BRD8: variants seen among roughly 807,000 people sequenced by gnomAD.
BRD8 encodes the protein bromodomain containing 8, also known as bromodomain-containing protein 8.
BRD8 carries 67 observed loss-of-function variants against 143.1 expected under a neutral mutation model. The observed-to-expected ratio is 0.47, with a 90% CI of 0.38 to 0.57. BRD8 has a LOEUF of 0.57. Ranked by LOEUF, BRD8 falls within the 20% of genes least tolerant of loss-of-function variation. BRD8 has a pLI of 0.00. For synonymous variants in BRD8, 505 were observed against 517.1 expected, an observed-to-expected ratio of 0.98 and a Z score of 0.32; for missense variants, 1,103 against 1,503.0, an observed-to-expected ratio of 0.73 and a Z score of 4.40.
chr5:138,145,700 G>T, intron 24 of BRD8, 89 bp downstream of exon 24: 1 of 1,145,588 alleles, frequency 8.7e-7, no homozygotes, highest in Non-Finnish European at 1.3e-6. Flanking sequence ...TCATTTGAGG[G>T]ATGAACATAT....
Position 138,155,127 on chromosome 5 carries a change from G to A in BRD8, c.2578-2367C>T, listed in dbSNP as rs928709367. On this transcript the variant is annotated intron_variant, in intron 20 of 26. Coordinates refer to ENST00000254900, the MANE Select transcript of BRD8 (RefSeq NM_139199.2). ...ATTACAGGTGTGAGCCACGGTGCCC[G>A]GCACTATTTCATTTCACTATTGAGT... 1.5e-4 allele frequency among the ~76,000 whole-genome samples: 22 copies of A among 147,460 alleles called. 1 individual carries two copies. The highest frequency in any genetic ancestry group is 1.3e-3 in the Admixed American group (19 of 14,362).
chr5:138,174,573 G>GC (rs1754161296), intron 2 of BRD8, among the ~76,000 whole-genome samples: 2 of 148,608 alleles, frequency 1.3e-5, no homozygotes, highest in Non-Finnish European at 3.0e-5. Context: ...TCCAGCCTGC[G>GC]CAACAGAGAC....
Position 138,165,107 on chromosome 5 carries a change from A to G in BRD8, c.1338T>C (p.Cys446=), listed in dbSNP as rs762508870. 6 of 1,614,096 alleles carry G rather than the reference A, an allele frequency of 3.7e-6. No homozygotes were observed. In the Admixed American group the frequency reaches 8.3e-5, roughly 22 times the overall value. ...VAAVEAALSF[C]EENDDPQSLP... ...GGGACTGAGGATCATCATTTTCTTC[A>G]CAAAATGACAGTGCTGCTTCCACTG... Residue 446 remains cysteine, a synonymous_variant, in exon 12 of 27, where the codon TGT becomes TGC. Coordinates refer to ENST00000254900, the MANE Select transcript of BRD8 (RefSeq NM_139199.2).
Position 138,170,400 on chromosome 5 carries a change from T to C in BRD8, c.450A>G (p.Lys150=). Residue 150 remains lysine (K), a synonymous_variant, in exon 7 of 27, where the codon AAA becomes AAG. Coordinates refer to ENST00000254900, the MANE Select transcript of BRD8 (RefSeq NM_139199.2). ...TTACTTCAGCCTCCTCTTCTTCCAA[T>C]TTCTTTTTCCTAAACAGGGAATTAA... ...ELCNDIATKK[K]LEEEEAEVKR... is the part of the protein sequence containing the mutation. 1 of 1,614,144 alleles carries C rather than the reference T, an allele frequency of 6.2e-7. No individual in the cohort carries two copies. Among genetic ancestry groups the C allele is most frequent in the Non-Finnish European group, 8.5e-7 (1 of 1,180,018 alleles).
At chr5:138,172,251 G>GTGAGCCAC in intron 2 of BRD8, 117 bp from the exon 3 acceptor site, 2 of 785,986 alleles carry the variant, frequency 2.5e-6, no homozygotes, top group Non-Finnish European at 4.2e-6. Context: ...ATGGCCAGGC[G>GTGAGCCAC]CGGTGGCTCA....
chr5:138,140,784 G>A lies in BRD8; in HGVS notation c.3536C>T (p.Ala1179Val). ...ATGATCAGAGTCATTGTACATTACA[G>A]CATTTTGGAACATCAGCATCAGGTC... ...LRDLMLMFQNAVMYNDSDHHV... is the reference protein window; with the variant it reads ...LRDLMLMFQNVVMYNDSDHHV... The change falls in exon 26 of 27, where the codon GCT (alanine) becomes GTT (valine). Residue 1179 changes from alanine (A) to valine (V), a missense_variant. Physicochemically the swap from Ala to Val is moderately conservative, Grantham distance 64 (BLOSUM62 0). This residue lies in a region of BRD8 where 369 missense variants were observed against 445.5 expected (regional missense o/e 0.83). Transcript: ENST00000254900. The A allele has an allele frequency of 6.2e-7, 1 of 1,614,142 alleles. No individual in the cohort carries two copies. Among genetic ancestry groups the A allele is most frequent in the Non-Finnish European group, 8.5e-7 (1 of 1,180,020 alleles).
Position 138,140,844 on chromosome 5 carries a change from T to C in BRD8, c.3476A>G (p.Lys1159Arg). ...DLTSLKRNLS[K>R]GRIRTMAQFL... ...TTGGGCCATGGTGCGAATCCGACCC[T>C]TAGAGAGATTTCTCTTCAGGCTAGT... is the stretch of plus-strand genomic sequence containing the variant. The change falls in exon 26 of 27, where the codon AAG becomes AGG. Residue 1159 changes from lysine to arginine, a missense_variant. Physicochemically the swap from Lys to Arg is conservative, Grantham distance 26. This residue lies in a region of BRD8 where 369 missense variants were observed against 445.5 expected (regional missense o/e 0.83). Transcript: ENST00000254900. 6.2e-7 allele frequency: 1 copy of C among 1,614,204 alleles called. No individual in the cohort carries two copies. Among genetic ancestry groups the C allele is most frequent in the Non-Finnish European group, 8.5e-7 (1 of 1,180,054 alleles).
Position 138,145,216 on chromosome 5 carries a change from GAC to G in BRD8, c.3396_3397del (p.Ser1133ArgfsTer19), listed in dbSNP as rs1360430262. The G allele has an allele frequency of 6.2e-7, 1 of 1,613,894 alleles. No homozygotes were observed. Among genetic ancestry groups the G allele is most frequent in the South Asian group, 1.1e-5 (1 of 91,046 alleles). On this transcript the variant is annotated frameshift_variant, in exon 25 of 27. Coordinates refer to ENST00000254900, the MANE Select transcript of BRD8 (RefSeq NM_139199.2). LOFTEE classifies it high-confidence loss of function. ...CTTGTACCCTGGGGCCTGCCTTTCT[GAC>G]ACAGGCTTCAGAAATGGACTGCTGA...
At chr5:138,154,580 C>G (rs948773938) in intron 20 of BRD8, among the ~76,000 whole-genome samples, 1 of 152,104 alleles carries the variant, frequency 6.6e-6, no homozygotes, top group Admixed American at 6.6e-5. Context: ...TGTTCTAACT[C>G]CTGGACTAAT....
chr5:138,146,491 G>T (rs1023475766), intron 23 of BRD8, among the ~76,000 whole-genome samples: 1 of 151,754 alleles, frequency 6.6e-6, no homozygotes, highest in Non-Finnish European at 1.5e-5. Flanking sequence ...AAGTAGCTGG[G>T]ACTCCAGGCA....
rs754078953 is a variant in BRD8 at position 138,163,345 on chromosome 5, C to CTTAG, written c.1873-5_1873-2dup. The CTTAG allele has an allele frequency of 3.1e-6, 5 of 1,613,858 alleles. No individual in the cohort carries two copies. Among genetic ancestry groups the CTTAG allele is most frequent in the Non-Finnish European group, 4.2e-6 (5 of 1,179,868 alleles). On this transcript the variant is annotated splice_acceptor_variant, in intron 14 of 26. Transcript: ENST00000254900. LOFTEE classifies it high-confidence loss of function. ...CCTCCTCATCCTCACCTGGGGCATC[C>CTTAG]TTAGATACAGTATGCTCCAGTTAAC... is the stretch of plus-strand genomic sequence containing the variant.
At position 138,164,941 on chromosome 5, in the gene BRD8, T is replaced by G. The variant is rs1361967605; in HGVS notation, c.1504A>C (p.Arg502=). The change falls in exon 12 of 27, where the codon AGG becomes CGG. Residue 502 remains arginine (R), a synonymous_variant. Coordinates refer to ENST00000254900, the MANE Select transcript of BRD8 (RefSeq NM_139199.2). Reference sequence around the variant, plus strand: ...ACCTTGATCTCTGCACTGGGCTCCCTGATGTCCACCAGTTCATGTATTCCC... The same window carrying G: ...ACCTTGATCTCTGCACTGGGCTCCCGGATGTCCACCAGTTCATGTATTCCC... ...NKGIHELVDI[R]EPSAEIKVEP... 2 of 1,614,220 alleles carry G rather than the reference T, an allele frequency of 1.2e-6. No individual in the cohort carries two copies. The highest frequency in any genetic ancestry group is 1.7e-6 in the Non-Finnish European group (2 of 1,180,032).
intron 20 of BRD8, chr5:138,157,395 A>G (rs1346533569): frequency 8.4e-7 from 1 of 1,189,516 alleles, no homozygotes; most frequent in Non-Finnish European, 1.2e-6. Flanking sequence ...ATCCAGAGGG[A>G]TGAGGGGCAT....
At chr5:138,158,556 AGCCTCCCGAGTAGC>A (rs1752761953) in intron 20 of BRD8, among the ~76,000 whole-genome samples, 1 of 150,772 alleles carries the variant, frequency 6.6e-6, no homozygotes, top group Non-Finnish European at 1.5e-5. Flanking sequence ...CTCCTGCCTT[AGCCTCCCGAGTAGC>A]TGGGATTACA....
Position 138,165,000 on chromosome 5 carries a change from T to C in BRD8, c.1445A>G (p.Gln482Arg). ...PLPAPEMTVK[Q>R]ERLDFEETEN... Reference sequence around the variant, plus strand: ...CGTTTCCTCAAAGTCCAGTCTCTCTTGCTTGACCGTCATTTCTGGTGCAGG... The same window carrying C: ...CGTTTCCTCAAAGTCCAGTCTCTCTCGCTTGACCGTCATTTCTGGTGCAGG... Residue 482 changes from glutamine (Q) to arginine (R), a missense_variant, in exon 12 of 27, where the codon CAA becomes CGA. By Grantham distance (43) the Gln-to-Arg change is conservative (BLOSUM62 1). This residue lies in a region of BRD8 where 139 missense variants were observed against 139.0 expected (regional missense o/e 1.00). Coordinates refer to ENST00000254900, the MANE Select transcript of BRD8 (RefSeq NM_139199.2). 6.2e-7 allele frequency: 1 copy of C among 1,614,184 alleles called. No individual in the cohort carries two copies. Among genetic ancestry groups the C allele is most frequent in the Non-Finnish European group, 8.5e-7 (1 of 1,180,032 alleles).
chr5:138,161,900 C>T, intron 16 of BRD8, 36 bp from the exon 17 acceptor site: 1 of 1,609,998 alleles, frequency 6.2e-7, no homozygotes, highest in Non-Finnish European at 8.5e-7. Flanking sequence ...TACTGACATT[C>T]TCCAGAAGTG....
chr5:138,146,938 G>C lies in BRD8; in HGVS notation c.3279-1060C>G, dbSNP rs531821181. Among the ~76,000 whole-genome samples, 531 of 140,850 alleles carry C rather than the reference G, an allele frequency of 3.8e-3. 3 individuals are homozygous for C. Among genetic ancestry groups the C allele is most frequent in the African/African-American group, 0.014 (506 of 37,196 alleles). 92.4% of individuals were successfully genotyped at this position (140,850 alleles called of 152,430 possible). On this transcript the variant is annotated intron_variant, in intron 23 of 26. Transcript: ENST00000254900. ...TGAGCCGAGATCACGCCACTGCACT[G>C]CAGCCTGGGCGACCGAGCGAAACTC... is the stretch of plus-strand genomic sequence containing the variant.
intron 2 of BRD8, chr5:138,177,351 G>A (rs1300236792): frequency 2.0e-5 from 6 of 306,706 alleles, no homozygotes; most frequent in African/African-American, 4.9e-5. Flanking sequence ...CCAACATGGC[G>A]AAACTCTGTC....
At chr5:138,177,086 CAAAA>C (rs36005969) in intron 2 of BRD8, 3 of 121,720 alleles carry the variant, frequency 2.5e-5, no homozygotes, top group Non-Finnish European at 1.7e-5. Flanking sequence ...AATCTTGTCT[CAAAA>C]AAAAAAAAAA....
Sources: gnomAD v4.1 joint callset for allele counts (sites outside exome capture counted in the v4.1 genomes callset) on GRCh38, gnomAD v4.1.1 for gene constraint, gnomAD v4.1.1 regional missense constraint, MANE v1.5 for transcripts, NCBI Gene and HGNC (gene_info 2026-07-23, HGNC 2026-07-21) for gene names.